The following PACSIN2 variants were observed in gnomAD, a reference collection of about 807,000 sequenced individuals.
PACSIN2 encodes the protein protein kinase C and casein kinase substrate in neurons protein 2.
PACSIN2 carries 25 observed loss-of-function variants against 63.8 expected under a neutral mutation model. The observed-to-expected ratio is 0.39, with a 90% CI of 0.29 to 0.55. PACSIN2 has a LOEUF of 0.55. Ranked by LOEUF, PACSIN2 falls within the 20% of genes least tolerant of loss-of-function variation. PACSIN2 has a pLI of 0.62. For missense variants in PACSIN2, 518 were observed against 646.9 expected, an observed-to-expected ratio of 0.80 and a Z score of 2.16; for synonymous variants, 255 against 256.2, an observed-to-expected ratio of 1.00 and a Z score of 0.05.
At chr22:42,882,442 C>G (rs1364299296) in intron 6 of PACSIN2, 138 bp from the exon 7 acceptor site, 4 of 949,694 alleles carry the variant, frequency 4.2e-6, no homozygotes, top group East Asian at 4.9e-5. Context: ...GAACACTCCT[C>G]CCTTGGCTCA....
At position 43,010,727 on chromosome 22, in the gene PACSIN2, C is replaced by A. The variant is rs5751411; in HGVS notation, c.-78+4294G>T. On this transcript the variant is annotated intron_variant, in intron 1 of 10. Transcript: ENST00000263246. ...GACTCCGTCTCAACAACAACAACAA[C>A]AAAAAAAGACAAGAAAGGAAAAGAA... Among the ~76,000 whole-genome samples the A allele has an allele frequency of 0.014, 2,117 of 151,256 alleles. 71 individuals carry two copies. The East Asian group carries it at 0.15, about 11-fold the overall frequency.
intron 2 of PACSIN2, among the ~76,000 whole-genome samples, chr22:42,894,990 A>T (rs1453994986): frequency 6.6e-6 from 1 of 152,208 alleles, no homozygotes; most frequent in Non-Finnish European, 1.5e-5. Context: ...ATGGGCTGAG[A>T]TGACTCCACT....
chr22:42,971,733 G>A (rs1037753016), intron 1 of PACSIN2, among the ~76,000 whole-genome samples: 7 of 151,860 alleles, frequency 4.6e-5, no homozygotes, highest in Admixed American at 6.6e-5. Context: ...ATCTCTGTCC[G>A]GCAGCCGCCC....
intron 1 of PACSIN2, among the ~76,000 whole-genome samples, chr22:42,978,701 G>A (rs539135890): frequency 6.6e-6 from 1 of 152,302 alleles, no homozygotes; most frequent in South Asian, 2.1e-4. Flanking sequence ...CGTTCAGGTG[G>A]ACTCAGATCT....
intron 1 of PACSIN2, among the ~76,000 whole-genome samples, chr22:42,958,594 G>A (rs1183291807): frequency 6.6e-6 from 1 of 152,192 alleles, no homozygotes; most frequent in African/African-American, 2.4e-5. Context: ...GAGATATTCA[G>A]AGCTACAAGA....
rs922468836 is a variant in PACSIN2 at position 42,905,323 on chromosome 22, G to T, written c.60+6698C>A. 2.0e-5 allele frequency among the ~76,000 whole-genome samples: 3 copies of T among 152,252 alleles called. No homozygotes were observed. In the East Asian group the frequency reaches 5.8e-4, roughly 29 times the overall value. ...GTCTCCGCGTGTGCGATGCTCCCGC[G>T]TGTGGCTGCAGAAACGGTAAGTGTA... On this transcript the variant is annotated intron_variant, in intron 2 of 10. Coordinates refer to ENST00000263246, the MANE Select transcript of PACSIN2 (RefSeq NM_001184970.3).
intron 4 of PACSIN2, among the ~76,000 whole-genome samples, chr22:42,890,005 T>TTC (rs1555909802): frequency 2.3e-5 from 1 of 43,110 alleles, no homozygotes; most frequent in Non-Finnish European, 5.9e-5. Flanking sequence ...CCAAAGGGAC[T>TTC]TTTTTTTTTT....
At chr22:43,013,957 A>T (rs143716961) in intron 1 of PACSIN2, among the ~76,000 whole-genome samples, 57 of 152,282 alleles carry the variant, frequency 3.7e-4, no homozygotes, top group Non-Finnish European at 7.9e-4. Flanking sequence ...CCAAGCCAAG[A>T]GTGGCATCCC....
Position 42,876,191 on chromosome 22 carries a change from G to A in PACSIN2, c.1294C>T (p.Arg432Trp), listed in dbSNP as rs746963305. 7.4e-6 allele frequency: 12 copies of A among 1,614,098 alleles called. No homozygotes were observed. Among genetic ancestry groups the A allele is most frequent in the East Asian group, 2.2e-5 (1 of 44,892 alleles). Residue 432 changes from arginine (R) to tryptophan (W), a missense_variant, in exon 10 of 11, where the codon CGG becomes TGG. By Grantham distance (101) the Arg-to-Trp change is moderately radical (BLOSUM62 -3). Around this residue, in one of 2 missense-constraint regions of PACSIN2, gnomAD observed 507 missense variants for 612.3 expected, o/e 0.83. Coordinates refer to ENST00000263246, the MANE Select transcript of PACSIN2 (RefSeq NM_001184970.3). ...DATSGTEVRV[R>W]ALYDYEGQEH... The stretch of plus-strand genomic sequence containing the variant: ...TGCCCCTCATAGTCATACAGGGCCC[G>A]GACTCGCACTTCCGTCCCCGAGGTG...
At chr22:42,952,840 T>C (rs991457295) in intron 1 of PACSIN2, among the ~76,000 whole-genome samples, 2 of 151,868 alleles carry the variant, frequency 1.3e-5, no homozygotes, top group African/African-American at 4.8e-5. Context: ...TTTTTGTGTG[T>C]TTTTTAGTAG....
chr22:43,014,374 C>A (rs1924731417), intron 1 of PACSIN2, among the ~76,000 whole-genome samples: 2 of 18,518 alleles, frequency 1.1e-4, no homozygotes, highest in East Asian at 4.6e-3. Flanking sequence ...ACCACCCCCC[C>A]CCCCCCGGGA....
intron 10 of PACSIN2, among the ~76,000 whole-genome samples, chr22:42,874,367 A>G (rs1027938152): frequency 1.3e-5 from 2 of 152,172 alleles, no homozygotes; most frequent in African/African-American, 2.4e-5. Flanking sequence ...CCATTCAAAG[A>G]AGAAAAAGAC....
intron 1 of PACSIN2, among the ~76,000 whole-genome samples, chr22:42,924,430 T>C (rs1454902344): frequency 1.3e-5 from 2 of 152,248 alleles, no homozygotes; most frequent in African/African-American, 4.8e-5. Context: ...ATGCATGATA[T>C]ATTTAACAAT....
chr22:42,915,865 G>A (rs1931772071), intron 1 of PACSIN2, among the ~76,000 whole-genome samples: 1 of 152,194 alleles, frequency 6.6e-6, no homozygotes, highest in Non-Finnish European at 1.5e-5. Context: ...ACTGAACTGT[G>A]CAGTCAGAAT....
chr22:42,963,332 CAG>C (rs1395107017), intron 1 of PACSIN2, among the ~76,000 whole-genome samples: 1 of 152,328 alleles, frequency 6.6e-6, no homozygotes, highest in East Asian at 1.9e-4. Context: ...AATTCAGAAA[CAG>C]AGAGTCCACC....
At chr22:42,978,745 C>G (rs2146880442) in intron 1 of PACSIN2, among the ~76,000 whole-genome samples, 1 of 152,178 alleles carries the variant, frequency 6.6e-6, no homozygotes, top group East Asian at 1.9e-4. Context: ...GCATCCTGGC[C>G]CTTGGTTTAT....
intron 2 of PACSIN2, 29 bp from the exon 3 acceptor site, chr22:42,893,642 G>A (rs1190944784): frequency 6.2e-7 from 1 of 1,603,416 alleles, no homozygotes. Flanking sequence ...TGGGAGGCAG[G>A]GGGCTTGGGG....
chr22:42,952,310 T>C (rs983549868), intron 1 of PACSIN2, among the ~76,000 whole-genome samples: 4 of 151,894 alleles, frequency 2.6e-5, no homozygotes, highest in African/African-American at 9.7e-5. Context: ...TGAAGAAATT[T>C]ATTTATTTAT....
intron 1 of PACSIN2, among the ~76,000 whole-genome samples, chr22:42,983,498 A>AAAAAC (rs1555944107): frequency 2.1e-5 from 3 of 145,320 alleles, no homozygotes; most frequent in South Asian, 2.3e-4. Context: ...TCAAAAAAAA[A>AAAAAC]AAAAAAAAAA....
Sources: gnomAD v4.1 joint callset for allele counts (sites outside exome capture counted in the v4.1 genomes callset) on GRCh38, gnomAD v4.1.1 for gene constraint, gnomAD v4.1.1 regional missense constraint, MANE v1.5 for transcripts, NCBI Gene and HGNC (gene_info 2026-07-23, HGNC 2026-07-21) for gene names.